RAPGEF1: variants seen among roughly 807,000 people sequenced by gnomAD.
RAPGEF1 encodes Rap guanine nucleotide exchange factor 1, also known as CRK SH3-binding GNRP.
Under a neutral mutation model 143.3 loss-of-function variants are expected in RAPGEF1, and 33 were observed. That is an observed-to-expected ratio of 0.23 (90% CI 0.17 to 0.31). The LOEUF is 0.31. RAPGEF1 is among the 10% of genes least tolerant of loss of function. The probability of loss-of-function intolerance (pLI) is 1.00; values close to 1 mark genes in which losing one functional copy is unlikely to be tolerated. For missense variants in RAPGEF1, 1,199 were observed against 1,645.4 expected, an observed-to-expected ratio of 0.73 and a Z score of 4.69; for synonymous variants, 629 against 676.5, an observed-to-expected ratio of 0.93 and a Z score of 1.09.
At chr9:131,598,396 G>GTT in intron 15 of RAPGEF1, 86 bp from the exon 16 acceptor site, 5 of 1,062,592 alleles carry the variant, frequency 4.7e-6, no homozygotes, top group Non-Finnish European at 7.1e-6. Context: ...GGTGTGCACG[G>GTT]CTCGAAACCG....
At chr9:131,721,905 G>C (rs546312146) in intron 1 of RAPGEF1, among the ~76,000 whole-genome samples, 1 of 152,284 alleles carries the variant, frequency 6.6e-6, no homozygotes, top group African/African-American at 2.4e-5. Flanking sequence ...TTTTGCATCA[G>C]GGACTTGAGC....
chr9:131,692,850 G>A (rs1564172775), intron 1 of RAPGEF1, among the ~76,000 whole-genome samples: 1 of 152,206 alleles, frequency 6.6e-6, no homozygotes, highest in South Asian at 2.1e-4. Context: ...TAGCCGAACA[G>A]GAAATAATCT....
At chr9:131,688,890 T>G (rs888575484) in intron 1 of RAPGEF1, among the ~76,000 whole-genome samples, 1 of 152,206 alleles carries the variant, frequency 6.6e-6, no homozygotes, top group African/African-American at 2.4e-5. Context: ...AGAACGAAAC[T>G]TCGTCTCAAA....
intron 5 of RAPGEF1, among the ~76,000 whole-genome samples, chr9:131,637,711 C>A (rs1588659753): frequency 6.6e-6 from 1 of 152,286 alleles, no homozygotes; most frequent in South Asian, 2.1e-4. Context: ...CCTGACTGCT[C>A]CGTATGTGCC....
At chr9:131,619,313 T>C (rs1422769547) in intron 11 of RAPGEF1, 107 bp from the exon 12 acceptor site, 2 of 989,658 alleles carry the variant, frequency 2.0e-6, no homozygotes, top group South Asian at 1.5e-5. Flanking sequence ...CCACATCCTC[T>C]AACAGACGTT....
At chr9:131,737,470 A>C in intron 1 of RAPGEF1, 1 of 1,613,822 alleles carries the variant, frequency 6.2e-7, no homozygotes, top group Non-Finnish European at 8.5e-7. Context: ...GTGCTAGGTT[A>C]GACAAGCTTC....
At chr9:131,685,968 G>C (rs898108452) in intron 1 of RAPGEF1, among the ~76,000 whole-genome samples, 11 of 152,194 alleles carry the variant, frequency 7.2e-5, no homozygotes, top group African/African-American at 2.7e-4. Context: ...GTGAGGGTCA[G>C]ATGGAGAGGC....
chr9:131,723,844 C>G (rs1357897389), intron 1 of RAPGEF1, among the ~76,000 whole-genome samples: 1 of 152,096 alleles, frequency 6.6e-6, no homozygotes, highest in East Asian at 1.9e-4. Context: ...AGTTTTTTGG[C>G]GAGCTGCCAT....
intron 1 of RAPGEF1, among the ~76,000 whole-genome samples, chr9:131,679,991 G>C (rs1258910962): frequency 3.3e-5 from 5 of 152,210 alleles, no homozygotes; most frequent in Admixed American, 2.6e-4. Context: ...AAGAATCCTA[G>C]GGGTCACCTT....
intron 5 of RAPGEF1, among the ~76,000 whole-genome samples, chr9:131,633,670 C>T (rs939173657): frequency 5.3e-5 from 8 of 152,192 alleles, no homozygotes; most frequent in Admixed American, 2.6e-4. Context: ...ATCCCAATGA[C>T]GCTCCCTACA....
intron 25 of RAPGEF1, 30 bp downstream of exon 25, chr9:131,582,575 G>A: frequency 6.9e-7 from 1 of 1,454,464 alleles, no homozygotes; most frequent in Non-Finnish European, 9.1e-7. Context: ...ACCCAGGCGG[G>A]GCTGGGGGCC....
In RAPGEF1 at chr9:131,630,407, C is replaced by G. The variant is rs1964525215; in HGVS notation, c.652-83G>C. The G allele has an allele frequency of 3.0e-6, 4 of 1,333,934 alleles. No homozygotes were observed. In the Admixed American group the frequency reaches 7.1e-5, roughly 24 times the overall value. The allele number at this position is 1,333,934 out of a possible 1,614,324, so 82.6% of individuals were successfully genotyped here. A position where few individuals can be genotyped will look rare whatever the true frequency, so the allele number is the denominator to read the frequency against. On this transcript the variant is annotated intron_variant, in intron 5 of 26. Transcript: ENST00000683357. ...AGAAGGCAGGCAGGTGCTGTCTGTCCTCTGCTGCTGAGTCTCATTTCTGTG... is the reference window on the plus strand; with the variant it reads ...AGAAGGCAGGCAGGTGCTGTCTGTCGTCTGCTGCTGAGTCTCATTTCTGTG...
Position 131,650,725 on chromosome 9 carries a change from T to C in RAPGEF1, c.201+85A>G. The stretch of plus-strand genomic sequence containing the variant: ...TAGGTATGATGCACTGAAAGCTCAA[T>C]CCCCAGGGAGGGAACATACAAATCG... On this transcript the variant is annotated intron_variant, in intron 2 of 26. Coordinates refer to ENST00000683357, the MANE Select transcript of RAPGEF1 (RefSeq NM_001377935.1). This position sits in a 1 kb window ranked among gnomAD's most constrained non-coding sequence, Gnocchi z 4.7. 6.5e-7 allele frequency: 1 copy of C among 1,536,706 alleles called. No individual in the cohort carries two copies. The highest frequency in any genetic ancestry group is 1.2e-5 in the South Asian group (1 of 80,324).
chr9:131,733,535 G>A (rs1204814138), intron 1 of RAPGEF1, among the ~76,000 whole-genome samples: 1 of 152,142 alleles, frequency 6.6e-6, no homozygotes, highest in Non-Finnish European at 1.5e-5. Flanking sequence ...TCAAACAGAT[G>A]ACCAGAAACT....
At chr9:131,715,523 A>C (rs1315012926) in intron 1 of RAPGEF1, among the ~76,000 whole-genome samples, 1 of 151,886 alleles carries the variant, frequency 6.6e-6, no homozygotes, top group Non-Finnish European at 1.5e-5. Flanking sequence ...TTCTTCTGGG[A>C]AGAGAGGTCT....
At chr9:131,644,684 G>T (rs2133341722) in intron 3 of RAPGEF1, among the ~76,000 whole-genome samples, 1 of 152,216 alleles carries the variant, frequency 6.6e-6, no homozygotes, top group South Asian at 2.1e-4. Flanking sequence ...GTGCCGATTG[G>T]CCAGGTGAAG....
rs372104802 is a variant in RAPGEF1, at chr9:131,681,827, T to C, written c.62-30878A>G. Among the ~76,000 whole-genome samples the C allele has an allele frequency of 2.6e-5, 4 of 152,300 alleles. No individual in the cohort carries two copies. The South Asian group carries it at 8.3e-4, about 32-fold the overall frequency. On this transcript the variant is annotated intron_variant, in intron 1 of 26. Transcript: ENST00000683357. ...TTCAAGTGGAGAACAATACCCTTCC[T>C]TTAGTGCTACAAAAACAGGGATCCA...
chr9:131,690,724 G>A (rs779791308), intron 1 of RAPGEF1, among the ~76,000 whole-genome samples: 9 of 152,236 alleles, frequency 5.9e-5, no homozygotes, highest in Non-Finnish European at 1.0e-4. Flanking sequence ...CCTGGGAGGT[G>A]GAAGGTACAG....
chr9:131,710,394 T>C (rs1029725213), intron 1 of RAPGEF1, among the ~76,000 whole-genome samples: 1 of 152,172 alleles, frequency 6.6e-6, no homozygotes, highest in Admixed American at 6.5e-5. Context: ...TTGGGAACAA[T>C]TTTGCTGGAG....
Sources: allele counts gnomAD v4.1 joint callset (sites outside exome capture counted in the v4.1 genomes callset), GRCh38; gene constraint gnomAD v4.1.1; non-coding constraint Gnocchi (gnomAD v3.1); transcripts MANE v1.5; gene names NCBI Gene and HGNC (gene_info 2026-07-23, HGNC 2026-07-21).